Variants in CD226 observed in about 807,000 individuals in gnomAD.
The protein encoded by CD226 is CD226 antigen.
Under a neutral mutation model 34.9 loss-of-function variants are expected in CD226, and 24 were observed. That is an observed-to-expected ratio of 0.69 (90% CI 0.50 to 0.97). CD226 has a LOEUF of 0.97. Ranked by LOEUF, CD226 falls within the 50% of genes least tolerant of loss-of-function variation. The pLI is 0.00. For synonymous variants in CD226, 148 were observed against 147.4 expected (o/e 1.00, Z -0.03); for missense variants, 397 against 412.7 (o/e 0.96, Z 0.33).
intron 2 of CD226, among the ~76,000 whole-genome samples, chr18:69,936,755 TTTC>T (rs1374233757): frequency 5.9e-5 from 9 of 152,232 alleles, no homozygotes; most frequent in Non-Finnish European, 1.3e-4. Context: ...AATGACTTTT[TTTC>T]TTATTTCTCC....
chr18:69,858,685 T>A lies in CD226; in HGVS notation c.*5629A>T, dbSNP rs2145159790. 1 of 150,264 alleles carries A rather than the reference T, an allele frequency of 6.7e-6. No homozygotes were observed. Among genetic ancestry groups the A allele is most frequent in the Admixed American group, 6.7e-5 (1 of 14,962 alleles). 9.3% of individuals were successfully genotyped at this position (150,264 alleles called of 1,614,324 possible). On this transcript the variant is annotated 3_prime_UTR_variant, in exon 6 of 6. Transcript: ENST00000582621. Reference sequence around the variant, plus strand: ...CCTACTCCATCGGGTGTCCTGGGAATTCTATGAGCCACCCCTATGTTCAAA... The same window carrying A: ...CCTACTCCATCGGGTGTCCTGGGAAATCTATGAGCCACCCCTATGTTCAAA...
At chr18:69,922,934 C>T (rs2055470443) in intron 2 of CD226, among the ~76,000 whole-genome samples, 1 of 152,080 alleles carries the variant, frequency 6.6e-6, no homozygotes. Context: ...GAGTTCGAGA[C>T]CAGCCTGGCC....
intron 3 of CD226, among the ~76,000 whole-genome samples, chr18:69,887,038 T>C (rs1331576289): frequency 6.6e-6 from 1 of 152,194 alleles, no homozygotes; most frequent in Non-Finnish European, 1.5e-5. Context: ...CTCTCTTTTT[T>C]AAAAAGAGCC....
chr18:69,885,399 G>A (rs1353519220), intron 3 of CD226, among the ~76,000 whole-genome samples: 1 of 152,176 alleles, frequency 6.6e-6, no homozygotes, highest in Non-Finnish European at 1.5e-5. Flanking sequence ...CTGGTTTCAA[G>A]AAGCCATTAC....
At chr18:69,867,881 G>T (rs1008361579) in intron 4 of CD226, among the ~76,000 whole-genome samples, 16 of 152,140 alleles carry the variant, frequency 1.1e-4, no homozygotes, top group Non-Finnish European at 1.9e-4. Context: ...CACTTATGTA[G>T]ATTATTTTAT....
intron 3 of CD226, among the ~76,000 whole-genome samples, chr18:69,890,186 C>T (rs1456223827): frequency 6.6e-6 from 1 of 152,178 alleles, no homozygotes; most frequent in Non-Finnish European, 1.5e-5. Flanking sequence ...GAAACATTAA[C>T]ATAATCGGTC....
At chr18:69,925,079 C>A (rs1248701267) in intron 2 of CD226, among the ~76,000 whole-genome samples, 1 of 152,136 alleles carries the variant, frequency 6.6e-6, no homozygotes, top group Non-Finnish European at 1.5e-5. Flanking sequence ...TCACCGGGAA[C>A]AAAAATCCTC....
At chr18:69,889,232 T>C (rs564106002) in intron 3 of CD226, among the ~76,000 whole-genome samples, 103 of 152,230 alleles carry the variant, frequency 6.8e-4, no homozygotes, top group African/African-American at 2.4e-3. Flanking sequence ...GAGGTTATTT[T>C]AGCTTGTGAG....
At chr18:69,880,353 A>AAGG (rs1555678454) in intron 3 of CD226, among the ~76,000 whole-genome samples, 25,802 of 117,908 alleles carry the variant, frequency 0.22, 2,801 homozygotes, top group Middle Eastern at 0.36. Flanking sequence ...AGAAAGAAAG[A>AAGG]AAGAAAGGAA....
At chr18:69,956,836 G>C (rs1252818780) in exon 1 of CD226, 1 of 152,100 alleles carries the variant, frequency 6.6e-6, no homozygotes, top group Non-Finnish European at 1.5e-5. Flanking sequence ...CCTGTTTATC[G>C]TGGCCTCCTA....
At chr18:69,881,692 C>A (rs1043925891) in intron 3 of CD226, among the ~76,000 whole-genome samples, 1 of 152,038 alleles carries the variant, frequency 6.6e-6, no homozygotes, top group Admixed American at 6.6e-5. Context: ...TGAGATGTCA[C>A]ATTGAAGTAG....
At chr18:69,949,325 A>C (rs1408417195), upstream of CD226, among the ~76,000 whole-genome samples, 1 of 152,172 alleles carries the variant, frequency 6.6e-6, no homozygotes, top group Non-Finnish European at 1.5e-5. Context: ...TTGGAAAGAT[A>C]ATCTTGGTCA....
intron 3 of CD226, among the ~76,000 whole-genome samples, chr18:69,889,052 A>T (rs1010916575): frequency 2.0e-5 from 3 of 151,962 alleles, no homozygotes; most frequent in Non-Finnish European, 2.9e-5. Flanking sequence ...ATAGATCATT[A>T]AAAAAAATGA....
intron 3 of CD226, among the ~76,000 whole-genome samples, chr18:69,889,500 A>C (rs866148947): frequency 6.7e-5 from 10 of 148,860 alleles, no homozygotes; most frequent in African/African-American, 2.5e-4. Context: ...AAAAAAAAAA[A>C]AACTGTCTTG....
intron 2 of CD226, among the ~76,000 whole-genome samples, chr18:69,935,872 G>C (rs1019792146): frequency 6.6e-6 from 1 of 152,200 alleles, no homozygotes; most frequent in South Asian, 2.1e-4. Flanking sequence ...ACAGTTTCAA[G>C]TTTACATAGG....
chr18:69,889,051 T>TA (rs909391846), intron 3 of CD226, among the ~76,000 whole-genome samples: 3 of 151,758 alleles, frequency 2.0e-5, no homozygotes, highest in East Asian at 1.9e-4. Flanking sequence ...AATAGATCAT[T>TA]AAAAAAAATG....
rs756375805 is a variant in CD226, at chr18:69,867,431, A to G, written c.831-20T>C. On this transcript the variant is annotated intron_variant, in intron 4 of 5. Transcript: ENST00000582621. ...CTCCTTCTGGAATGCATATTCAATA[A>G]AGGATATAAAGATATGATATTCCAG... 1 of 1,437,024 alleles carries G rather than the reference A, an allele frequency of 7.0e-7. No individual in the cohort carries two copies. Among genetic ancestry groups the G allele is most frequent in the Non-Finnish European group, 9.8e-7 (1 of 1,018,950 alleles). The allele number at this position is 1,437,024 out of a possible 1,614,324, so 89.0% of individuals were successfully genotyped here. A position where few individuals can be genotyped will look rare whatever the true frequency, so the allele number is the denominator to read the frequency against.
intron 3 of CD226, among the ~76,000 whole-genome samples, chr18:69,879,196 G>C (rs1568163967): frequency 6.6e-6 from 1 of 152,154 alleles, no homozygotes; most frequent in Non-Finnish European, 1.5e-5. Context: ...GGAACACACT[G>C]TCACTGATAA....
intron 2 of CD226, among the ~76,000 whole-genome samples, chr18:69,923,940 C>A (rs1355475722): frequency 6.9e-6 from 1 of 145,014 alleles, no homozygotes; most frequent in East Asian, 2.0e-4. Flanking sequence ...GGCGACAGAG[C>A]GAGACTCCGT....
Sources: gnomAD v4.1 joint callset for allele counts (sites outside exome capture counted in the v4.1 genomes callset) on GRCh38, gnomAD v4.1.1 for gene constraint, MANE v1.5 for transcripts, NCBI Gene and HGNC (gene_info 2026-07-23, HGNC 2026-07-21) for gene names.